Variants in NPC1 observed in about 807,000 individuals in gnomAD.
The protein encoded by NPC1 is Niemann-Pick C1 protein.
In NPC1, 85 loss-of-function variants were observed where a neutral mutation model predicts 140.4. The observed-to-expected ratio is 0.61, with a 90% CI of 0.51 to 0.72. NPC1 has a LOEUF of 0.72. NPC1 is among the 30% of genes least tolerant of loss of function. NPC1 has a pLI of 0.00. For synonymous variants in NPC1, 656 were observed against 624.8 expected, an observed-to-expected ratio of 1.05 and a Z score of -0.74; for missense variants, 1,504 against 1,623.8, an observed-to-expected ratio of 0.93 and a Z score of 1.27.
At chr18:23,541,967 C>CT (rs887334640) in intron 14 of NPC1, among the ~76,000 whole-genome samples, 9 of 152,048 alleles carry the variant, frequency 5.9e-5, no homozygotes, top group African/African-American at 1.9e-4. Flanking sequence ...GATTAAAAAA[C>CT]TTTTTTTTAT....
chr18:23,567,285 C>T (rs76331050), intron 4 of NPC1, among the ~76,000 whole-genome samples: 5,672 of 152,260 alleles, frequency 0.037, 355 homozygotes, highest in African/African-American at 0.13. Flanking sequence ...TGAATGAGAG[C>T]TCATTGCCAG....
chr18:23,527,820 G>A (rs762606187), downstream of NPC1: 4 of 1,614,020 alleles, frequency 2.5e-6, no homozygotes, highest in African/African-American at 2.7e-5. Flanking sequence ...ACAGAGCATC[G>A]CTGCCCGTGA....
chr18:23,515,247 G>A (rs1464217431), intron 3 of NPC1, among the ~76,000 whole-genome samples: 1 of 152,204 alleles, frequency 6.6e-6, no homozygotes, highest in Admixed American at 6.5e-5. Flanking sequence ...GGATTTTGGA[G>A]GGAAACAGCC....
chr18:23,574,346 A>G (rs968503180), intron 1 of NPC1, among the ~76,000 whole-genome samples: 5 of 152,114 alleles, frequency 3.3e-5, no homozygotes, highest in African/African-American at 1.2e-4. Context: ...CAGAGGGCCC[A>G]GCTTGCCAGG....
chr18:23,538,173 G>A (rs948281084), intron 20 of NPC1, among the ~76,000 whole-genome samples: 2 of 152,050 alleles, frequency 1.3e-5, no homozygotes, highest in East Asian at 1.9e-4. Context: ...CTAAGATCAC[G>A]CCCCAGCTGC....
At chr18:23,508,357 G>A (rs1160721379) in intron 3 of NPC1, among the ~76,000 whole-genome samples, 2 of 152,150 alleles carry the variant, frequency 1.3e-5, no homozygotes, top group Admixed American at 6.5e-5. Flanking sequence ...ATCTGGGTCT[G>A]GGCCCTGGGA....
intron 9 of NPC1, among the ~76,000 whole-genome samples, chr18:23,553,880 C>T (rs2058910857): frequency 6.6e-6 from 1 of 152,206 alleles, no homozygotes; most frequent in Non-Finnish European, 1.5e-5. Flanking sequence ...GAGCTGCAGA[C>T]CTATACTGCC....
chr18:23,568,200 TTC>T lies in NPC1; in HGVS notation c.463+621_463+622del, dbSNP rs567114342. Among the ~76,000 whole-genome samples the T allele has an allele frequency of 3.7e-3, 571 of 152,298 alleles. 3 individuals carry two copies. Among genetic ancestry groups the T allele is most frequent in the African/African-American group, 0.012 (488 of 41,582 alleles). On this transcript the variant is annotated intron_variant, in intron 4 of 24. Transcript: ENST00000269228. The stretch of plus-strand genomic sequence containing the variant: ...ACATCCACTTTCCATACATGCAGGC[TTC>T]TGTTTCTGGACAAAATGACCTCTCT...
At chr18:23,582,324 C>T (rs1429934) in intron 1 of NPC1, among the ~76,000 whole-genome samples, 106,659 of 152,064 alleles carry the variant, frequency 0.7, 37,681 homozygotes, top group East Asian at 0.93. Context: ...AAAAGTTTTG[C>T]TGCCAAAGCA....
At chr18:23,539,765 G>A (rs2058685216) in intron 18 of NPC1, 46 bp downstream of exon 18, 1 of 1,593,754 alleles carries the variant, frequency 6.3e-7, no homozygotes, top group African/African-American at 1.3e-5. Context: ...GCCTGGCTGA[G>A]AGCCTCCTCC....
chr18:23,538,919 CCTCCTTCAA>C, intron 19 of NPC1: 2 of 522,770 alleles, frequency 3.8e-6, no homozygotes, highest in Non-Finnish European at 6.9e-6. Flanking sequence ...AAGTAGATCT[CCTCCTTCAA>C]GTATGGCCTT....
chr18:23,538,820 A>G (rs925207148), intron 19 of NPC1, 149 bp from the exon 20 acceptor site: 4 of 818,368 alleles, frequency 4.9e-6, no homozygotes, highest in Non-Finnish European at 8.0e-6. Context: ...CCCTTATCTA[A>G]AAGCTTCAGC....
At chr18:23,557,072 G>A (rs1567966370) in intron 7 of NPC1, 45 bp downstream of exon 7, 1 of 1,476,610 alleles carries the variant, frequency 6.8e-7, no homozygotes, top group Non-Finnish European at 9.5e-7. Flanking sequence ...TCTCATGACA[G>A]ACAGCATCAT....
rs569664145 is a variant in NPC1 at position 23,555,086 on chromosome 18, T to C, written c.1327-102A>G. ...CCTGAGGGTCAGAAGACAAAGAGTA[T>C]TTGGGGAAAATACTTCCTAAGATGA... On this transcript the variant is annotated intron_variant, in intron 8 of 24. Coordinates refer to ENST00000269228, the MANE Select transcript of NPC1 (RefSeq NM_000271.5). The C allele has an allele frequency of 6.2e-6, 5 of 803,480 alleles. No homozygotes were observed. In the East Asian group the frequency reaches 1.3e-4, roughly 21 times the overall value. 49.8% of individuals were successfully genotyped at this position (803,480 alleles called of 1,614,324 possible). A position where few individuals can be genotyped will look rare whatever the true frequency, so the allele number is the denominator to read the frequency against.
At chr18:23,521,277 C>G (rs1464667748), downstream of NPC1, among the ~76,000 whole-genome samples, 1 of 152,206 alleles carries the variant, frequency 6.6e-6, no homozygotes. Context: ...TTTATCTTCC[C>G]TGAGCTTTAG....
At chr18:23,510,491 T>TA (rs762310825) in intron 3 of NPC1, among the ~76,000 whole-genome samples, 4 of 151,480 alleles carry the variant, frequency 2.6e-5, no homozygotes, top group African/African-American at 4.9e-5. Flanking sequence ...CTATTAAAAA[T>TA]ACAAAAATTA....
chr18:23,555,474 A>T (rs917087366), intron 8 of NPC1, among the ~76,000 whole-genome samples: 2 of 152,274 alleles, frequency 1.3e-5, no homozygotes, highest in Non-Finnish European at 2.9e-5. Context: ...ACAAGCTGGA[A>T]AAAGCAACAG....
chr18:23,523,842 G>C (rs2058216052), intron 1 of NPC1, among the ~76,000 whole-genome samples: 1 of 152,164 alleles, frequency 6.6e-6, no homozygotes, highest in Non-Finnish European at 1.5e-5. Context: ...ACGTGCATAT[G>C]TAAACGATCA....
chr18:23,516,196 T>C lies in NPC1; in HGVS notation c.432-9554A>G, dbSNP rs911342625. On this transcript the variant is annotated intron_variant, in intron 3 of 3. Transcript: ENST00000591107. ...TGGGCAGACAGGCTGTGAGAGGACA[T>C]GGGGGACGGTGGAAAGGATCCAAAG... The C allele has an allele frequency of 7.9e-5, 105 of 1,335,712 alleles. No homozygotes were observed. In the African/African-American group the frequency reaches 1.4e-3, roughly 18 times the overall value. 82.7% of individuals were successfully genotyped at this position (1,335,712 alleles called of 1,614,324 possible).
Sources: allele counts gnomAD v4.1 joint callset (sites outside exome capture counted in the v4.1 genomes callset), GRCh38; gene constraint gnomAD v4.1.1; transcripts MANE v1.5; gene names NCBI Gene and HGNC (gene_info 2026-07-23, HGNC 2026-07-21).